SPATA6L: variants seen among roughly 807,000 people sequenced by gnomAD.
The protein encoded by SPATA6L is spermatogenesis associated 6-like protein.
In SPATA6L, 68 loss-of-function variants were observed where a neutral mutation model predicts 49.2. That is an observed-to-expected ratio of 1.38 (90% CI 1.14 to 1.69). SPATA6L has a LOEUF of 1.69. Ranked by LOEUF, SPATA6L falls within the 40% of genes most tolerant of loss-of-function variation. SPATA6L has a pLI of 0.00. For missense variants in SPATA6L, 668 were observed against 464.3 expected (o/e 1.44, Z -4.03); for synonymous variants, 198 against 165.7 (o/e 1.19, Z -1.50).
At chr9:4,629,769 G>GTGTGTATATATATATATA (rs1311805859) in intron 4 of SPATA6L, among the ~76,000 whole-genome samples, 97 of 101,900 alleles carry the variant, frequency 9.5e-4, no homozygotes, top group African/African-American at 3.7e-3. Context: ...GTGTGTGTGT[G>GTGTGTATATATATATATA]TATATATATA....
chr9:4,620,285 C>T lies in SPATA6L; in HGVS notation c.773-1387G>A, dbSNP rs188671348. ...CTCCTTCCTCCTGTGGCCTCATAAC[C>T]CTGTGGCCTCATAACCTCCTTCCTC... On this transcript the variant is annotated intron_variant, in intron 7 of 11. Transcript: ENST00000682582. 2.6e-3 allele frequency among the ~76,000 whole-genome samples: 361 copies of T among 137,854 alleles called. 11 individuals carry two copies. In the East Asian group the frequency reaches 0.065, roughly 25 times the overall value. 90.4% of individuals were successfully genotyped at this position (137,854 alleles called of 152,430 possible). A position where few individuals can be genotyped will look rare whatever the true frequency, so the allele number is the denominator to read the frequency against.
Position 4,666,116 on chromosome 9 carries a change from G to A in SPATA6L, c.39+96C>T, listed in dbSNP as rs1369374910. On this transcript the variant is annotated intron_variant, in intron 1 of 11. Transcript: ENST00000682582. ...CCCAGAAGATAATGATGTGTTTGTG[G>A]TAAGTGGGGGATGTGGGGGAGGGTT... is the stretch of plus-strand genomic sequence containing the variant. 7 of 1,046,446 alleles carry A rather than the reference G, an allele frequency of 6.7e-6. No homozygotes were observed. In the East Asian group the frequency reaches 1.4e-4, roughly 21 times the overall value. 64.8% of individuals were successfully genotyped at this position (1,046,446 alleles called of 1,614,324 possible). A position where few individuals can be genotyped will look rare whatever the true frequency, so the allele number is the denominator to read the frequency against.
intron 1 of SPATA6L, chr9:4,664,685 G>T (rs41279557): frequency 6.0e-6 from 1 of 167,042 alleles, no homozygotes; most frequent in Admixed American, 6.5e-5. Flanking sequence ...GACTATTTTG[G>T]CATTTATAAA....
At chr9:4,611,951 C>G (rs950458634) in intron 9 of SPATA6L, among the ~76,000 whole-genome samples, 8 of 152,060 alleles carry the variant, frequency 5.3e-5, no homozygotes, top group Non-Finnish European at 1.2e-4. Flanking sequence ...TCAAGCAATC[C>G]TCCAACTTCA....
At chr9:4,608,917 A>T in intron 9 of SPATA6L, among the ~76,000 whole-genome samples, 1 of 152,182 alleles carries the variant, frequency 6.6e-6, no homozygotes, top group Non-Finnish European at 1.5e-5. Context: ...ATAAAGAAAA[A>T]AAGAGAGAAG....
At chr9:4,616,969 T>G (rs1828172916) in intron 9 of SPATA6L, among the ~76,000 whole-genome samples, 1 of 152,232 alleles carries the variant, frequency 6.6e-6, no homozygotes, top group South Asian at 2.1e-4. Flanking sequence ...TTAATGGATT[T>G]TATTAAAATA....
At chr9:4,639,904 G>C (rs913710426) in intron 3 of SPATA6L, among the ~76,000 whole-genome samples, 3 of 152,214 alleles carry the variant, frequency 2.0e-5, no homozygotes, top group Non-Finnish European at 4.4e-5. Flanking sequence ...GAGGCTCTGA[G>C]AGTTTGACCT....
At chr9:4,604,361 G>C in intron 10 of SPATA6L, 92 bp from the exon 11 acceptor site, 1 of 766,852 alleles carries the variant, frequency 1.3e-6, no homozygotes, top group African/African-American at 1.7e-5. Flanking sequence ...TAGGAGGTCT[G>C]TGCATCCCAT....
chr9:4,634,917 G>A (rs1206303306), intron 4 of SPATA6L, among the ~76,000 whole-genome samples: 3 of 152,216 alleles, frequency 2.0e-5, no homozygotes, highest in African/African-American at 2.4e-5. Flanking sequence ...AATATCTTAC[G>A]TAAAAAATTG....
At chr9:4,597,004 A>G (rs1313262143), downstream of SPATA6L, among the ~76,000 whole-genome samples, 1 of 152,212 alleles carries the variant, frequency 6.6e-6, no homozygotes, top group African/African-American at 2.4e-5. Context: ...CCAGGCACTG[A>G]TTTAATGTAC....
intron 3 of SPATA6L, among the ~76,000 whole-genome samples, chr9:4,650,205 G>T (rs1406782636): frequency 6.6e-6 from 1 of 152,156 alleles, no homozygotes; most frequent in Non-Finnish European, 1.5e-5. Flanking sequence ...CTGAGACCTA[G>T]CCTGCTCCCA....
chr9:4,635,200 C>G, intron 4 of SPATA6L, 75 bp downstream of exon 4: 1 of 1,420,588 alleles, frequency 7.0e-7, no homozygotes, highest in Non-Finnish European at 9.2e-7. Context: ...AAGATCAAAC[C>G]CTGTCAGGAA....
intron 2 of SPATA6L, among the ~76,000 whole-genome samples, chr9:4,659,892 T>A (rs915431672): frequency 2.6e-5 from 4 of 152,200 alleles, no homozygotes; most frequent in Non-Finnish European, 5.9e-5. Flanking sequence ...CACAACCATC[T>A]GATATTTGAC....
intron 13 of SPATA6L, among the ~76,000 whole-genome samples, chr9:4,592,113 G>A (rs972810441): frequency 1.3e-5 from 2 of 152,102 alleles, no homozygotes; most frequent in South Asian, 2.1e-4. Context: ...TCAGGAGTTC[G>A]AGACCAGCCT....
intron 4 of SPATA6L, among the ~76,000 whole-genome samples, chr9:4,630,196 G>A (rs1180239810): frequency 1.3e-5 from 2 of 151,848 alleles, no homozygotes; most frequent in African/African-American, 4.8e-5. Context: ...AGGAGGGATG[G>A]GATTGTTCTA....
chr9:4,646,297 T>A (rs1259489496), intron 3 of SPATA6L: 1 of 389,178 alleles, frequency 2.6e-6, no homozygotes, highest in Non-Finnish European at 4.5e-6. Context: ...ACCATAAAGT[T>A]ATTATTCTGA....
chr9:4,597,560 T>C (rs1472214796), downstream of SPATA6L, among the ~76,000 whole-genome samples: 1 of 152,186 alleles, frequency 6.6e-6, no homozygotes, highest in African/African-American at 2.4e-5. Flanking sequence ...TTTGACCAAA[T>C]TCCCTATGTG....
chr9:4,628,076 A>T (rs1420764788), intron 5 of SPATA6L: 1 of 323,058 alleles, frequency 3.1e-6, no homozygotes, highest in African/African-American at 2.3e-5. Context: ...GGAGACAGAG[A>T]GTAGAATGAT....
downstream of SPATA6L, among the ~76,000 whole-genome samples, chr9:4,597,446 G>T (rs1311418095): frequency 6.6e-6 from 1 of 151,776 alleles, no homozygotes; most frequent in African/African-American, 2.4e-5. Flanking sequence ...AAAAATTTTG[G>T]ACTAGAAACT....
Sources: allele counts gnomAD v4.1 joint callset (sites outside exome capture counted in the v4.1 genomes callset), GRCh38; gene constraint gnomAD v4.1.1; transcripts MANE v1.5; gene names NCBI Gene and HGNC (gene_info 2026-07-23, HGNC 2026-07-21).